The following NRXN3 variants were observed in gnomAD, a reference collection of about 807,000 sequenced individuals.
NRXN3 encodes the protein neurexin III.
Under a neutral mutation model 137.6 loss-of-function variants are expected in NRXN3, and 32 were observed. That is an observed-to-expected ratio of 0.23 (90% confidence interval 0.18 to 0.31). The LOEUF is 0.31. NRXN3 is among the 10% of genes least tolerant of loss of function. The pLI, the probability that NRXN3 is intolerant of heterozygous loss-of-function variation, is 1.00. For synonymous variants in NRXN3, 798 were observed against 784.5 expected (o/e 1.02, Z -0.29); for missense variants, 1,574 against 2,062.5 (o/e 0.76, Z 4.59).
intron 15 of NRXN3, among the ~76,000 whole-genome samples, chr14:79,197,198 T>C (rs2065252100): frequency 6.6e-6 from 1 of 152,188 alleles, no homozygotes; most frequent in South Asian, 2.1e-4. Context: ...AAATGCCAGA[T>C]TGACATCCTC....
intron 16 of NRXN3, among the ~76,000 whole-genome samples, chr14:79,551,959 T>C (rs2153749499): frequency 6.6e-6 from 1 of 152,306 alleles, no homozygotes; most frequent in East Asian, 1.9e-4. Flanking sequence ...CTGCTTTTCG[T>C]CATTAGCCCA....
At position 78,399,925 on chromosome 14, in the gene NRXN3, A is replaced by C. The variant is rs572752582; in HGVS notation, c.757+102065A>C. Among the ~76,000 whole-genome samples, 426 of 152,324 alleles carry C rather than the reference A, an allele frequency of 2.8e-3. 1 individual carries two copies. Among genetic ancestry groups the C allele is most frequent in the South Asian group, 0.017 (83 of 4,828 alleles). On this transcript the variant is annotated intron_variant, in intron 4 of 20. Coordinates refer to ENST00000335750, the MANE Select transcript of NRXN3 (RefSeq NM_001330195.2). Reference sequence around the variant, plus strand: ...AAGATCCTAATAGTGTCAGAGGGAAACTAGAATTAGCTATGTAACTAGGGG... The same window carrying C: ...AAGATCCTAATAGTGTCAGAGGGAACCTAGAATTAGCTATGTAACTAGGGG...
At chr14:78,313,769 A>G (rs1208067155) in intron 4 of NRXN3, among the ~76,000 whole-genome samples, 4 of 152,204 alleles carry the variant, frequency 2.6e-5, no homozygotes, top group Non-Finnish European at 5.9e-5. Context: ...CTGAATTCAT[A>G]TAAATAGTAT....
intron 15 of NRXN3, chr14:79,201,295 T>C (rs1250117356): frequency 6.6e-6 from 1 of 152,174 alleles, no homozygotes; most frequent in African/African-American, 2.4e-5. Context: ...AATATAGCAT[T>C]TGTCTCTTAT....
At chr14:79,004,909 T>TA (rs949546865) in intron 15 of NRXN3, among the ~76,000 whole-genome samples, 5 of 152,196 alleles carry the variant, frequency 3.3e-5, no homozygotes, top group Non-Finnish European at 5.9e-5. Context: ...CTTCAGGATG[T>TA]AAAAAATACT....
At chr14:79,241,621 G>C (rs1192803742) in intron 15 of NRXN3, among the ~76,000 whole-genome samples, 1 of 152,072 alleles carries the variant, frequency 6.6e-6, no homozygotes, top group African/African-American at 2.4e-5. Context: ...TACAATTCAA[G>C]GTGAGATTTC....
intron 4 of NRXN3, among the ~76,000 whole-genome samples, chr14:78,491,963 G>A (rs1189962432): frequency 4.6e-5 from 7 of 152,180 alleles, no homozygotes; most frequent in Non-Finnish European, 1.0e-4. Flanking sequence ...GGACCAGGAA[G>A]GTGCTGAGAT....
chr14:78,205,963 G>A lies in NRXN3; in HGVS notation c.-704+35289G>A, dbSNP rs535914175. On this transcript the variant is annotated intron_variant, in intron 1 of 20. Transcript: ENST00000335750. ...GTTAAGTGGCAGTGAGGATAGAAAG[G>A]GGTAGGCAGGCAGAAGGGAAGAGTT... Among the ~76,000 whole-genome samples the A allele has an allele frequency of 3.4e-3, 516 of 152,306 alleles. 2 individuals are homozygous for A. Among genetic ancestry groups the A allele is most frequent in the Non-Finnish European group, 5.9e-3 (400 of 68,024 alleles).
At chr14:79,165,602 T>G (rs549482079) in intron 15 of NRXN3, among the ~76,000 whole-genome samples, 2 of 152,132 alleles carry the variant, frequency 1.3e-5, no homozygotes, top group Admixed American at 1.3e-4. Context: ...ATGTCATGAT[T>G]TAGAATACTG....
intron 15 of NRXN3, among the ~76,000 whole-genome samples, chr14:79,252,243 T>C (rs2076037557): frequency 6.6e-6 from 1 of 152,190 alleles, no homozygotes. Context: ...TAATGCATAA[T>C]AACCAGAAAT....
At chr14:78,535,812 G>T (rs1012593341) in intron 4 of NRXN3, among the ~76,000 whole-genome samples, 2 of 152,118 alleles carry the variant, frequency 1.3e-5, no homozygotes, top group African/African-American at 4.8e-5. Flanking sequence ...ACAGTTCTGA[G>T]AATTAGGTAA....
chr14:79,391,411 T>C (rs961124015), intron 15 of NRXN3, among the ~76,000 whole-genome samples: 18 of 152,220 alleles, frequency 1.2e-4, no homozygotes, highest in African/African-American at 4.3e-4. Flanking sequence ...CCTTTTTGGC[T>C]TCCACTTTTC....
intron 16 of NRXN3, among the ~76,000 whole-genome samples, chr14:79,589,807 C>T (rs189085927): frequency 6.0e-4 from 91 of 152,138 alleles, no homozygotes; most frequent in Non-Finnish European, 7.2e-4. Context: ...GAGTCTCTGA[C>T]GCTAAAATTG....
Position 78,757,677 on chromosome 14 carries a change from G to A in NRXN3, c.2044+42538G>A, listed in dbSNP as rs545122675. On this transcript the variant is annotated intron_variant, in intron 8 of 20. Transcript: ENST00000335750. ...TGAATGCAGTGTGGTATCCTGGGTC[G>A]GCTCCTGAAACAGAAACAAGACATG... 1.5e-4 allele frequency among the ~76,000 whole-genome samples: 23 copies of A among 152,174 alleles called. No homozygotes were observed. The East Asian group carries it at 3.5e-3, about 23-fold the overall frequency.
At chr14:78,666,359 C>T (rs542606137) in intron 6 of NRXN3, among the ~76,000 whole-genome samples, 15 of 151,896 alleles carry the variant, frequency 9.9e-5, no homozygotes, top group African/African-American at 3.4e-4. Context: ...TTCCAGGAGA[C>T]GGTAGGGAAA....
intron 15 of NRXN3, among the ~76,000 whole-genome samples, chr14:79,117,093 G>C (rs2054575834): frequency 6.6e-6 from 1 of 152,136 alleles, no homozygotes; most frequent in African/African-American, 2.4e-5. Flanking sequence ...TCTAACACTT[G>C]AGACATATTC....
chr14:79,232,306 G>A (rs139613731), intron 15 of NRXN3, among the ~76,000 whole-genome samples: 34 of 152,098 alleles, frequency 2.2e-4, no homozygotes, highest in African/African-American at 8.2e-4. Flanking sequence ...AGTTCATCCC[G>A]ATTTCTTTAA....
intron 6 of NRXN3, among the ~76,000 whole-genome samples, chr14:78,660,439 A>G (rs749972475): frequency 6.6e-6 from 1 of 152,066 alleles, no homozygotes; most frequent in African/African-American, 2.4e-5. Flanking sequence ...AGAGACTCCT[A>G]TTCACCTGGT....
chr14:79,137,234 T>G (rs563854590), intron 15 of NRXN3, among the ~76,000 whole-genome samples: 17 of 152,352 alleles, frequency 1.1e-4, no homozygotes, highest in African/African-American at 4.1e-4. Context: ...CTGTTATTTC[T>G]AAAGTATTTT....
Sources: gnomAD v4.1 joint callset for allele counts (sites outside exome capture counted in the v4.1 genomes callset) on GRCh38, gnomAD v4.1.1 for gene constraint, MANE v1.5 for transcripts, NCBI Gene and HGNC (gene_info 2026-07-23, HGNC 2026-07-21) for gene names.